Variants in POMGNT1 observed in about 807,000 individuals in gnomAD.
POMGNT1 encodes protein O-linked mannose N-acetylglucosaminyltransferase 1 (beta 1,2-).
In POMGNT1, 67 loss-of-function variants were observed where a neutral mutation model predicts 95.6. The observed-to-expected ratio is 0.70, with a 90% CI of 0.58 to 0.86. POMGNT1 has a LOEUF of 0.86. Among genes scored for constraint, POMGNT1 ranks in the 40% least tolerant of loss-of-function variants. POMGNT1 has a pLI of 0.00. For synonymous variants in POMGNT1, 298 were observed against 317.9 expected, an observed-to-expected ratio of 0.94 and a Z score of 0.66; for missense variants, 719 against 855.2, an observed-to-expected ratio of 0.84 and a Z score of 1.99.
At chr1:46,195,093 ACT>A in intron 6 of POMGNT1, 132 bp from the exon 7 acceptor site, 1 of 797,912 alleles carries the variant, frequency 1.3e-6, no homozygotes, top group Non-Finnish European at 2.2e-6. Context: ...CTCTATGGTT[ACT>A]CTCTTTCACA....
In POMGNT1 at chr1:46,197,750, G is replaced by A. The variant is rs761142254; in HGVS notation, c.72C>T (p.Thr24=). Residue 24 remains threonine (T), a synonymous_variant, in exon 2 of 22, where the codon ACC becomes ACT. Transcript: ENST00000371984. ...GCTGGTTTGTCAGTTTATACTTCCA[G>A]GTAAGGTACCAGCTCCGCTTCTTCC... ...GARKKRSWYL[T]WKYKLTNQRA... The A allele has an allele frequency of 1.2e-6, 2 of 1,614,152 alleles. No homozygotes were observed. Among genetic ancestry groups the A allele is most frequent in the East Asian group, 2.2e-5 (1 of 44,888 alleles).
At chr1:46,191,156 A>G (rs1439447504) in intron 17 of POMGNT1, 1 of 343,734 alleles carries the variant, frequency 2.9e-6, no homozygotes, top group African/African-American at 2.1e-5. Flanking sequence ...GGGAAGGAAA[A>G]AACTACTTTG....
rs780965440 is a variant in POMGNT1, at chr1:46,192,566, T to C, written c.1236A>G (p.Leu412=). 14 of 1,614,094 alleles carry C rather than the reference T, an allele frequency of 8.7e-6. No homozygotes were observed. The highest frequency in any genetic ancestry group is 5.5e-5 in the South Asian group (5 of 91,070). The part of the protein sequence containing the change: ...FFSFLSQSIH[L]LEEDDSLYCI... ...AGTACAGGCTGTCATCCTCCTCCAG[T>C]AGGTGGATGGATTGGCTCAGGAAAC... Residue 412 remains leucine (L), a synonymous_variant, in exon 15 of 22, where the codon CTA becomes CTG. Transcript: ENST00000371984.
At chr1:46,213,250 A>G (rs1658960047) in intron 1 of POMGNT1, among the ~76,000 whole-genome samples, 1 of 151,438 alleles carries the variant, frequency 6.6e-6, no homozygotes. Context: ...AGATTATAAC[A>G]CAGCATATAC....
intron 11 of POMGNT1, 21 bp downstream of exon 11, chr1:46,193,543 C>G (rs1657962815): frequency 6.2e-7 from 1 of 1,614,044 alleles, no homozygotes; most frequent in Non-Finnish European, 8.5e-7. Context: ...CCACCCGAGG[C>G]ACCCCCCAAG....
At chr1:46,190,601 T>G in intron 18 of POMGNT1, 84 bp from the exon 19 acceptor site, 1 of 1,533,502 alleles carries the variant, frequency 6.5e-7, no homozygotes, top group Non-Finnish European at 9.0e-7. Flanking sequence ...AGGGGTCACA[T>G]GGGAATCTGT....
chr1:46,197,934 G>A, intron 1 of POMGNT1, 63 bp from the exon 2 acceptor site: 3 of 1,508,410 alleles, frequency 2.0e-6, no homozygotes, highest in Non-Finnish European at 2.7e-6. Flanking sequence ...GCCTTCTGGG[G>A]AGATGAGGGA....
intron 1 of POMGNT1, among the ~76,000 whole-genome samples, chr1:46,206,539 T>C (rs114800079): frequency 0.019 from 2,958 of 152,230 alleles, 89 homozygotes; most frequent in African/African-American, 0.065. Flanking sequence ...TGAGGCTGCA[T>C]CTCTCCTGAG....
At chr1:46,207,627 C>T (rs1205401067) in intron 1 of POMGNT1, among the ~76,000 whole-genome samples, 2 of 151,564 alleles carry the variant, frequency 1.3e-5, no homozygotes, top group Non-Finnish European at 2.9e-5. Flanking sequence ...CAAGCTCCGC[C>T]TCCTGGGTTC....
chr1:46,201,071 C>T (rs546521979), upstream of POMGNT1, among the ~76,000 whole-genome samples: 40 of 152,028 alleles, frequency 2.6e-4, no homozygotes, highest in African/African-American at 9.2e-4. Context: ...GCAGAAGTTG[C>T]AATGAGCCAA....
intron 1 of POMGNT1, among the ~76,000 whole-genome samples, chr1:46,209,101 C>T (rs536367391): frequency 6.6e-6 from 1 of 151,360 alleles, no homozygotes; most frequent in Admixed American, 6.6e-5. Context: ...CTTGGCTCAC[C>T]GCAACCTCCG....
Position 46,196,363 on chromosome 1 carries a change from C to T in POMGNT1, c.355-286G>A, listed in dbSNP as rs781165034. Among the ~76,000 whole-genome samples the T allele has an allele frequency of 3.3e-5, 5 of 152,228 alleles. No homozygotes were observed. Among genetic ancestry groups the T allele is most frequent in the Non-Finnish European group, 5.9e-5 (4 of 68,050 alleles). On this transcript the variant is annotated intron_variant, in intron 4 of 21. Coordinates refer to ENST00000371984, the MANE Select transcript of POMGNT1 (RefSeq NM_017739.4). This position sits in a 1 kb window ranked among gnomAD's most constrained non-coding sequence, Gnocchi z 4.4. Reference sequence around the variant, plus strand: ...ATCCTGGAAGTATCACAATCCTCCACCACACTGAACCCCTCAAGGTAGGGC... The same window carrying T: ...ATCCTGGAAGTATCACAATCCTCCATCACACTGAACCCCTCAAGGTAGGGC...
intron 19 of POMGNT1, 87 bp downstream of exon 19, chr1:46,190,386 T>C: frequency 6.7e-7 from 1 of 1,486,778 alleles, no homozygotes; most frequent in Admixed American, 1.7e-5. Context: ...ATTTTCATTT[T>C]GCACAGGACC....
exon 1 of POMGNT1, chr1:46,220,126 G>T (rs1394636473): frequency 6.2e-7 from 1 of 1,614,210 alleles, no homozygotes. Flanking sequence ...CTTCAAGGTG[G>T]ACCACCTGAG....
chr1:46,189,774 G>T, intron 20 of POMGNT1, 80 bp downstream of exon 20: 1 of 1,597,882 alleles, frequency 6.3e-7, no homozygotes, highest in South Asian at 1.1e-5. Context: ...GAAGATTCCA[G>T]AGCAAAGGCT....
intron 17 of POMGNT1, 171 bp from the exon 18 acceptor site, chr1:46,190,955 T>C: frequency 1.5e-6 from 1 of 673,958 alleles, no homozygotes; most frequent in Non-Finnish European, 2.7e-6. Flanking sequence ...AGCAAGCTCT[T>C]ACTAGCTTTA....
In POMGNT1 at chr1:46,192,424, T is replaced by C; in HGVS notation, c.1297A>G (p.Thr433Ala). The C allele has an allele frequency of 1.2e-6, 2 of 1,614,088 alleles. No individual in the cohort carries two copies. The highest frequency in any genetic ancestry group is 1.7e-6 in the Non-Finnish European group (2 of 1,180,026). Residue 433 changes from threonine (T) to alanine (A), a missense_variant, in exon 16 of 22, where the codon ACG becomes GCG. Physicochemically the swap from Thr to Ala is moderately conservative, Grantham distance 58 (BLOSUM62 0). This residue lies in a region of POMGNT1 where 118 missense variants were observed against 153.6 expected (regional missense o/e 0.77). Coordinates refer to ENST00000371984, the MANE Select transcript of POMGNT1 (RefSeq NM_017739.4). ...SAWNDQGYEHTAEDPALLYRV... is the reference protein window; with the variant it reads ...SAWNDQGYEHAAEDPALLYRV... ...TACAGTAGTGCTGGGTCCTCAGCCGTGTGTTCATACCCCTGGGGACAGGGT... is the reference window on the plus strand; with the variant it reads ...TACAGTAGTGCTGGGTCCTCAGCCGCGTGTTCATACCCCTGGGGACAGGGT...
chr1:46,190,455 A>T lies in POMGNT1; in HGVS notation c.1649+18T>A. The T allele has an allele frequency of 5.1e-6, 8 of 1,574,224 alleles. No individual in the cohort carries two copies. The highest frequency in any genetic ancestry group is 7.0e-6 in the Non-Finnish European group (8 of 1,143,732). On this transcript the variant is annotated intron_variant, in intron 19 of 21. Coordinates refer to ENST00000371984, the MANE Select transcript of POMGNT1 (RefSeq NM_017739.4). ...GACTCTTTGCTCCCTGCTACACCCC[A>T]ATTGTCCTAGGCCATACCTGAGCAG...
exon 1 of POMGNT1, chr1:46,219,758 C>A (rs1421344276): frequency 6.2e-7 from 1 of 1,613,064 alleles, no homozygotes; most frequent in South Asian, 1.1e-5. Flanking sequence ...TGAATGAGGG[C>A]ATCGAGGCAG....
Sources: gnomAD v4.1 joint callset for allele counts (sites outside exome capture counted in the v4.1 genomes callset) on GRCh38, gnomAD v4.1.1 for gene constraint, gnomAD v4.1.1 regional missense constraint, Gnocchi (gnomAD v3.1) non-coding constraint, MANE v1.5 for transcripts, NCBI Gene and HGNC (gene_info 2026-07-23, HGNC 2026-07-21) for gene names.